GLI2: variants seen among roughly 807,000 people sequenced by gnomAD.
The protein encoded by GLI2 is GLI family zinc finger 2.
A neutral mutation model predicts 78.9 loss-of-function variants in GLI2; 22 were observed. That is an observed-to-expected ratio of 0.28 (90% CI 0.20 to 0.40). The LOEUF (loss-of-function observed/expected upper bound fraction) is 0.40, where lower values mean the gene tolerates loss of function less well. Among genes scored for constraint, GLI2 ranks in the 10% least tolerant of loss-of-function variants. The pLI is 1.00. For synonymous variants in GLI2, 974 were observed against 963.7 expected, an observed-to-expected ratio of 1.01 and a Z score of -0.20; for missense variants, 2,097 against 2,213.2, an observed-to-expected ratio of 0.95 and a Z score of 1.05.
intron 2 of GLI2, among the ~76,000 whole-genome samples, chr2:120,807,276 T>C (rs1002613071): frequency 2.6e-5 from 4 of 152,132 alleles, no homozygotes; most frequent in Non-Finnish European, 5.9e-5. Flanking sequence ...TTGGGTATCC[T>C]GTGCTGATCC....
At position 120,737,001 on chromosome 2, in the gene GLI2, A is replaced by AT. The variant is rs1302854980; in HGVS notation, c.-31+717dup. Among the ~76,000 whole-genome samples the AT allele has an allele frequency of 6.7e-6, 1 of 150,352 alleles. No individual in the cohort carries two copies. Among genetic ancestry groups the AT allele is most frequent in the Non-Finnish European group, 1.5e-5 (1 of 67,550 alleles). On this transcript the variant is annotated intron_variant, in intron 1 of 13. Transcript: ENST00000361492. This position sits in a 1 kb window ranked among gnomAD's most constrained non-coding sequence, Gnocchi z 4.3. ...CGGTTCCCCCTTCCACCTCACTTTCATCCCTGCCCCCCTACTCATCGTCTC... is the reference window on the plus strand; with the variant it reads ...CGGTTCCCCCTTCCACCTCACTTTCATTCCCTGCCCCCCTACTCATCGTCTC...
intron 2 of GLI2, among the ~76,000 whole-genome samples, chr2:120,898,303 A>C (rs1432287203): frequency 6.6e-6 from 1 of 152,224 alleles, no homozygotes; most frequent in Non-Finnish European, 1.5e-5. Context: ...ATAGAGAAAA[A>C]TAAATATCTC....
chr2:120,989,622 C>A lies in GLI2; in HGVS notation c.3657C>A (p.Gly1219=). The A allele has an allele frequency of 6.2e-7, 1 of 1,613,170 alleles. No homozygotes were observed. The highest frequency in any genetic ancestry group is 8.5e-7 in the Non-Finnish European group (1 of 1,179,940). ...RQPVAGSQCP[G]MTTTMSPHAC... is the part of the protein sequence containing the mutation. ...CAGTGGCAGGCAGCCAGTGTCCTGG[C>A]ATGACTACCACTATGAGCCCCCATG... is the stretch of plus-strand genomic sequence containing the variant. The change falls in exon 14 of 14, where the codon GGC becomes GGA. Residue 1219 remains glycine, a synonymous_variant. Transcript: ENST00000361492.
intron 2 of GLI2, among the ~76,000 whole-genome samples, chr2:120,869,073 T>C (rs1688296909): frequency 6.6e-6 from 1 of 152,220 alleles, no homozygotes; most frequent in Admixed American, 6.5e-5. Flanking sequence ...TTCTGTTCCA[T>C]TGGTCTATGT....
chr2:120,910,380 T>A (rs1171507787), intron 2 of GLI2, among the ~76,000 whole-genome samples: 1 of 152,172 alleles, frequency 6.6e-6, no homozygotes, highest in Non-Finnish European at 1.5e-5. Flanking sequence ...CAGACATCCA[T>A]CACCCCATTT....
At chr2:120,868,625 T>C (rs1226898456) in intron 2 of GLI2, among the ~76,000 whole-genome samples, 1 of 152,068 alleles carries the variant, frequency 6.6e-6, no homozygotes, top group Non-Finnish European at 1.5e-5. Flanking sequence ...CAAAGTTAGG[T>C]AAGGAGGTGA....
chr2:120,901,006 C>T (rs560363964), intron 2 of GLI2, among the ~76,000 whole-genome samples: 10 of 152,260 alleles, frequency 6.6e-5, no homozygotes, highest in African/African-American at 2.2e-4. Context: ...TTGTTTGTAC[C>T]AGGGTATGTT....
intron 3 of GLI2, among the ~76,000 whole-genome samples, chr2:120,928,059 C>G (rs530965796): frequency 1.3e-5 from 2 of 152,152 alleles, no homozygotes; most frequent in African/African-American, 4.8e-5. Context: ...GGTGTCATTT[C>G]TTGGCCTTTA....
At chr2:120,844,711 A>G (rs1170978286) in intron 2 of GLI2, among the ~76,000 whole-genome samples, 4 of 152,108 alleles carry the variant, frequency 2.6e-5, no homozygotes, top group African/African-American at 4.8e-5. Flanking sequence ...GACAAAGTGG[A>G]TAGGGTAATT....
intron 1 of GLI2, among the ~76,000 whole-genome samples, chr2:120,759,810 C>T (rs1046136887): frequency 6.6e-6 from 1 of 152,128 alleles, no homozygotes; most frequent in Non-Finnish European, 1.5e-5. Flanking sequence ...TTCAGGTGAC[C>T]GGCTTCCATC....
intron 2 of GLI2, among the ~76,000 whole-genome samples, chr2:120,806,277 G>T (rs1419082627): frequency 6.6e-6 from 1 of 152,196 alleles, no homozygotes; most frequent in Non-Finnish European, 1.5e-5. Context: ...GGGCACCCGG[G>T]CCTGGGTGCC....
Position 120,765,832 on chromosome 2 carries a change from G to A in GLI2, c.-31+29547G>A, listed in dbSNP as rs1683350433. On this transcript the variant is annotated intron_variant, in intron 1 of 13. Transcript: ENST00000361492. ...CTGTCTCCTTGTGTTTTTGAAGTTCGCTGCCTGATTTCCTTTTGGCACGCG... is the reference window on the plus strand; with the variant it reads ...CTGTCTCCTTGTGTTTTTGAAGTTCACTGCCTGATTTCCTTTTGGCACGCG... Among the ~76,000 whole-genome samples, 2 of 152,238 alleles carry A rather than the reference G, an allele frequency of 1.3e-5. 1 individual carries two copies. The highest frequency in any genetic ancestry group is 4.1e-4 in the South Asian group (2 of 4,832).
At chr2:120,864,330 C>T (rs1688030164) in intron 2 of GLI2, among the ~76,000 whole-genome samples, 1 of 152,188 alleles carries the variant, frequency 6.6e-6, no homozygotes, top group South Asian at 2.1e-4. Context: ...ATGGGTTGCT[C>T]AGGGCCAAGG....
At chr2:120,755,185 A>G (rs1378489889) in intron 1 of GLI2, among the ~76,000 whole-genome samples, 2 of 152,244 alleles carry the variant, frequency 1.3e-5, no homozygotes, top group East Asian at 1.9e-4. Context: ...AAACTGTTTA[A>G]TAAAGCAGCT....
At chr2:120,845,382 G>A (rs777874940) in intron 2 of GLI2, among the ~76,000 whole-genome samples, 11 of 152,220 alleles carry the variant, frequency 7.2e-5, no homozygotes, top group Non-Finnish European at 1.5e-4. Flanking sequence ...GGGAAGACAT[G>A]CTATACAGGG....
At chr2:120,823,539 A>G (rs116649791) in intron 2 of GLI2, among the ~76,000 whole-genome samples, 2,202 of 152,302 alleles carry the variant, frequency 0.014, 53 homozygotes, top group African/African-American at 0.05. Context: ...GTGATGTGAC[A>G]TTCTTTCTGA....
At chr2:120,764,245 A>G (rs1403017352) in intron 1 of GLI2, among the ~76,000 whole-genome samples, 1 of 152,162 alleles carries the variant, frequency 6.6e-6, no homozygotes, top group Non-Finnish European at 1.5e-5. Flanking sequence ...GCTGCAGGGG[A>G]CACCTTCCAC....
chr2:120,798,662 C>G (rs1684533293), intron 2 of GLI2, among the ~76,000 whole-genome samples: 1 of 151,928 alleles, frequency 6.6e-6, no homozygotes. Flanking sequence ...CCACCCTGTG[C>G]CCCTTGGACG....
chr2:120,760,796 T>C (rs1273185018), intron 1 of GLI2, among the ~76,000 whole-genome samples: 3 of 152,162 alleles, frequency 2.0e-5, no homozygotes, highest in Non-Finnish European at 4.4e-5. Context: ...AAAACAAAAC[T>C]GTCATAATGT....
Sources: gnomAD v4.1 joint callset for allele counts (sites outside exome capture counted in the v4.1 genomes callset) on GRCh38, gnomAD v4.1.1 for gene constraint, Gnocchi (gnomAD v3.1) non-coding constraint, MANE v1.5 for transcripts, NCBI Gene and HGNC (gene_info 2026-07-23, HGNC 2026-07-21) for gene names.